The following SEMA6A variants were observed in gnomAD, a reference collection of about 807,000 sequenced individuals.
The protein encoded by SEMA6A is semaphorin 6A.
In SEMA6A, 25 loss-of-function variants were observed where a neutral mutation model predicts 96.8. The observed-to-expected ratio is 0.26, with a 90% confidence interval of 0.19 to 0.36. SEMA6A has a LOEUF of 0.36. Ranked by LOEUF, SEMA6A falls within the 10% of genes least tolerant of loss-of-function variation. SEMA6A has a pLI of 1.00. For synonymous variants in SEMA6A, 612 were observed against 518.0 expected, an observed-to-expected ratio of 1.18 and a Z score of -2.46; for missense variants, 1,363 against 1,323.1, an observed-to-expected ratio of 1.03 and a Z score of -0.47.
rs572521432 is a variant in SEMA6A, at chr5:116,555,800, T to A, written c.-39+18385A>T. On this transcript the variant is annotated intron_variant, in intron 1 of 18. Transcript: ENST00000343348. ...TATGATCATGCCATGCTACTACACT[T>A]CAGCTTGGGCAACAGGAGACCAGTC... Among the ~76,000 whole-genome samples the A allele has an allele frequency of 1.2e-4, 19 of 152,244 alleles. No homozygotes were observed. The South Asian group carries it at 3.3e-3, about 27-fold the overall frequency.
At chr5:116,483,705 AAAAT>A (rs1756904278) in intron 10 of SEMA6A, among the ~76,000 whole-genome samples, 1 of 152,248 alleles carries the variant, frequency 6.6e-6, no homozygotes, top group African/African-American at 2.4e-5. Context: ...ATAAGGTGGC[AAAAT>A]AAATTTTAAA....
At position 116,547,044 on chromosome 5, in the gene SEMA6A, C is replaced by T. The variant is rs533481963; in HGVS notation, c.-39+27141G>A. ...TCCAACCCTATTTTTTTTCCTTAGG[C>T]TTATTGTCTGATTTCCATTAAGTCA... On this transcript the variant is annotated intron_variant, in intron 1 of 18. Transcript: ENST00000343348. Among the ~76,000 whole-genome samples the T allele has an allele frequency of 7.6e-4, 116 of 152,126 alleles. 1 individual carries two copies. Among genetic ancestry groups the T allele is most frequent in the African/African-American group, 2.5e-3 (103 of 41,494 alleles).
chr5:116,495,112 T>C (rs1045523944), intron 6 of SEMA6A, among the ~76,000 whole-genome samples: 4 of 151,940 alleles, frequency 2.6e-5, no homozygotes, highest in African/African-American at 7.3e-5. Flanking sequence ...AGAAAAAAAA[T>C]AGAGGAAATC....
chr5:116,447,906 A>C, intron 18 of SEMA6A, 95 bp from the exon 19 acceptor site: 1 of 984,746 alleles, frequency 1.0e-6, no homozygotes, highest in Non-Finnish European at 1.5e-6. Context: ...TAACAGTAGT[A>C]AGTGACAACA....
chr5:116,480,336 C>A, intron 11 of SEMA6A, 59 bp from the exon 12 acceptor site: 5 of 1,592,700 alleles, frequency 3.1e-6, no homozygotes, highest in South Asian at 1.1e-5. Flanking sequence ...ATGGCAAATT[C>A]TTTGAATGAA....
chr5:116,481,361 G>T (rs1392075301), intron 11 of SEMA6A, among the ~76,000 whole-genome samples: 5 of 152,150 alleles, frequency 3.3e-5, no homozygotes, highest in Non-Finnish European at 4.4e-5. Flanking sequence ...CCCAGGCAAT[G>T]ACTTAAGACT....
chr5:116,486,361 T>C (rs1433028065), intron 10 of SEMA6A, among the ~76,000 whole-genome samples: 1 of 152,238 alleles, frequency 6.6e-6, no homozygotes. Flanking sequence ...AGTTCCAAAC[T>C]GCCTCTTCCA....
chr5:116,466,898 AAG>A (rs1755793820), intron 18 of SEMA6A, among the ~76,000 whole-genome samples: 1 of 152,208 alleles, frequency 6.6e-6, no homozygotes, highest in Non-Finnish European at 1.5e-5. Context: ...ATGGCAAGAA[AAG>A]AGATGACATT....
At chr5:116,517,414 T>C (rs55710268) in intron 1 of SEMA6A, among the ~76,000 whole-genome samples, 11,579 of 152,168 alleles carry the variant, frequency 0.076, 849 homozygotes, top group African/African-American at 0.19. Context: ...TTTGCTAAAA[T>C]GAGAACGTCT....
intron 1 of SEMA6A, among the ~76,000 whole-genome samples, chr5:116,557,580 A>G (rs1205365401): frequency 6.6e-6 from 1 of 152,260 alleles, no homozygotes; most frequent in Non-Finnish European, 1.5e-5. Context: ...CACATACAAA[A>G]TAGAAAATAA....
chr5:116,547,734 TAAAAAAAAAAA>T (rs34908253), intron 1 of SEMA6A, among the ~76,000 whole-genome samples: 1 of 65,556 alleles, frequency 1.5e-5, no homozygotes, highest in African/African-American at 5.7e-5. Flanking sequence ...ATCTGATACT[TAAAAAAAAAAA>T]AAAAAAAAAA....
At position 116,478,551 on chromosome 5, in the gene SEMA6A, T is replaced by C. The variant is rs775339063; in HGVS notation, c.1418A>G (p.Asn473Ser). Residue 473 changes from asparagine (N) to serine (S), a missense_variant, in exon 13 of 19, where the codon AAC becomes AGC. Transcript: ENST00000343348. ...CAAATATTCCACTTACTTTTCAGAGTTGTAAACACTCATCTCCTCCAGGAA... is the reference window on the plus strand; with the variant it reads ...CAAATATTCCACTTACTTTTCAGAGCTGTAAACACTCATCTCCTCCAGGAA... ...SLFLEEMSVY[N>S]SEKCSYDGVE... The C allele has an allele frequency of 1.2e-6, 2 of 1,610,178 alleles. No homozygotes were observed. The highest frequency in any genetic ancestry group is 2.2e-5 in the East Asian group (1 of 44,748).
At chr5:116,517,753 C>G (rs550137771) in intron 1 of SEMA6A, among the ~76,000 whole-genome samples, 89 of 152,306 alleles carry the variant, frequency 5.8e-4, no homozygotes, top group African/African-American at 2.1e-3. Context: ...AAGTGACTGC[C>G]TCCCCAGGCT....
At chr5:116,482,336 G>C in intron 11 of SEMA6A, 108 bp downstream of exon 11, 1 of 1,216,018 alleles carries the variant, frequency 8.2e-7, no homozygotes, top group Non-Finnish European at 1.1e-6. Context: ...CAATCTGCTT[G>C]GCTGGCATGG....
chr5:116,479,831 T>C (rs888694997), intron 12 of SEMA6A, among the ~76,000 whole-genome samples: 1 of 152,210 alleles, frequency 6.6e-6, no homozygotes, highest in African/African-American at 2.4e-5. Context: ...TCACTGCTCC[T>C]CTATTTTTGC....
At chr5:116,538,501 G>A (rs916537441) in intron 1 of SEMA6A, among the ~76,000 whole-genome samples, 2 of 152,122 alleles carry the variant, frequency 1.3e-5, no homozygotes, top group Non-Finnish European at 2.9e-5. Flanking sequence ...TTATTTTCAG[G>A]TCCATGTTTT....
At chr5:116,570,524 T>A in intron 1 of SEMA6A, among the ~76,000 whole-genome samples, 1 of 152,212 alleles carries the variant, frequency 6.6e-6, no homozygotes, top group East Asian at 1.9e-4. Flanking sequence ...AGAGGGGCAG[T>A]GCAGAGATAG....
chr5:116,527,239 A>AT (rs201467786), intron 1 of SEMA6A, among the ~76,000 whole-genome samples: 1 of 151,970 alleles, frequency 6.6e-6, no homozygotes, highest in Admixed American at 6.6e-5. Flanking sequence ...AACATTATAT[A>AT]TTTTTTTCTG....
chr5:116,482,474 G>C lies in SEMA6A; in HGVS notation c.1064C>G (p.Pro355Arg), dbSNP rs1362473683. 1 of 1,613,302 alleles carries C rather than the reference G, an allele frequency of 6.2e-7. No homozygotes were observed. The highest frequency in any genetic ancestry group is 8.5e-7 in the Non-Finnish European group (1 of 1,179,626). ...CTTAGGAACTCGTTCATCAGGAACTGGTGTCCAGGTGGAATCAGGAGACTT... is the reference window on the plus strand; with the variant it reads ...CTTAGGAACTCGTTCATCAGGAACTCGTGTCCAGGTGGAATCAGGAGACTT... ...EQKSPDSTWT[P>R]VPDERVPKPR... Residue 355 changes from proline to arginine, a missense_variant, in exon 11 of 19, where the codon CCA becomes CGA. Physicochemically the swap from Pro to Arg is moderately radical, Grantham distance 103. Transcript: ENST00000343348.
Sources: allele counts gnomAD v4.1 joint callset (sites outside exome capture counted in the v4.1 genomes callset), GRCh38; gene constraint gnomAD v4.1.1; transcripts MANE v1.5; gene names NCBI Gene and HGNC (gene_info 2026-07-23, HGNC 2026-07-21).